Variants in NELL2 observed in about 807,000 individuals in gnomAD.
The protein encoded by NELL2 is protein kinase C-binding protein NELL2.
NELL2 carries 41 observed loss-of-function variants against 109.6 expected under a neutral mutation model. The observed-to-expected ratio is 0.37, with a 90% CI of 0.29 to 0.49. The LOEUF (loss-of-function observed/expected upper bound fraction) is 0.49, where lower values mean the gene tolerates loss of function less well. Among genes scored for constraint, NELL2 ranks in the 20% least tolerant of loss-of-function variants. The probability of loss-of-function intolerance (pLI) is 0.98; values close to 1 mark genes in which losing one functional copy is unlikely to be tolerated. For missense variants in NELL2, 900 were observed against 1,008.3 expected (o/e 0.89, Z 1.45); for synonymous variants, 355 against 344.7 (o/e 1.03, Z -0.33).
rs532721614 is a variant in NELL2, at chr12:44,768,174, TCA to T, written c.994+6571_994+6572del. Among the ~76,000 whole-genome samples the T allele has an allele frequency of 3.0e-3, 459 of 152,304 alleles. 3 individuals are homozygous for T. Among genetic ancestry groups the T allele is most frequent in the African/African-American group, 0.01 (417 of 41,572 alleles). Reference sequence around the variant, plus strand: ...TCATTAAAATATATCACATGCTGTCTCACAGCCTTAATCTGAAGGCTGCATTG... The same window carrying T: ...TCATTAAAATATATCACATGCTGTCTCAGCCTTAATCTGAAGGCTGCATTG... On this transcript the variant is annotated intron_variant, in intron 9 of 19. Transcript: ENST00000429094.
At chr12:44,798,509 G>A (rs1337541615) in intron 3 of NELL2, among the ~76,000 whole-genome samples, 1 of 151,948 alleles carries the variant, frequency 6.6e-6, no homozygotes, top group Admixed American at 6.6e-5. Context: ...CAACTCTACA[G>A]AATGCTATGA....
intron 2 of NELL2, among the ~76,000 whole-genome samples, chr12:44,825,391 CTTTTTTTTT>C (rs34266446): frequency 1.2e-5 from 1 of 83,606 alleles, no homozygotes; most frequent in Non-Finnish European, 2.2e-5. Flanking sequence ...TATTCATTTC[CTTTTTTTTT>C]TTTTTTTTTT....
At chr12:44,789,805 A>G (rs555134322) in intron 3 of NELL2, among the ~76,000 whole-genome samples, 1 of 152,340 alleles carries the variant, frequency 6.6e-6, no homozygotes, top group African/African-American at 2.4e-5. Context: ...GAAACACTGG[A>G]TGCATTTATA....
intron 1 of NELL2, among the ~76,000 whole-genome samples, chr12:44,894,048 A>T (rs1945566023): frequency 6.6e-6 from 1 of 152,248 alleles, no homozygotes; most frequent in African/African-American, 2.4e-5. Context: ...CAGGAAAAAA[A>T]TAGAGAAATT....
intron 10 of NELL2, among the ~76,000 whole-genome samples, chr12:44,712,065 T>C (rs746998561): frequency 2.6e-5 from 4 of 152,080 alleles, no homozygotes; most frequent in Non-Finnish European, 5.9e-5. Context: ...CTTCTGATAA[T>C]TGAAGTATTC....
At chr12:44,602,630 T>C (rs1319846169) in intron 15 of NELL2, among the ~76,000 whole-genome samples, 2 of 152,150 alleles carry the variant, frequency 1.3e-5, no homozygotes, top group Non-Finnish European at 2.9e-5. Flanking sequence ...CACATAAAGA[T>C]ATATATTTTG....
intron 9 of NELL2, among the ~76,000 whole-genome samples, chr12:44,716,738 C>T (rs758109822): frequency 6.6e-6 from 1 of 151,992 alleles, no homozygotes; most frequent in Non-Finnish European, 1.5e-5. Context: ...TATTATACGA[C>T]TTGATAACTG....
chr12:44,543,991 T>C (rs998757314), intron 15 of NELL2, among the ~76,000 whole-genome samples: 3 of 152,002 alleles, frequency 2.0e-5, no homozygotes, highest in Non-Finnish European at 4.4e-5. Flanking sequence ...ATACAGTCCA[T>C]AGGTAAAGCA....
intron 9 of NELL2, among the ~76,000 whole-genome samples, chr12:44,772,167 A>G (rs1941576791): frequency 6.6e-6 from 1 of 152,166 alleles, no homozygotes; most frequent in Admixed American, 6.5e-5. Context: ...ATAGGAATTT[A>G]CTTCTACTCC....
chr12:44,637,169 G>T (rs1022777708), intron 13 of NELL2, among the ~76,000 whole-genome samples: 1 of 151,470 alleles, frequency 6.6e-6, no homozygotes, highest in Non-Finnish European at 1.5e-5. Context: ...CTGGCTAGTG[G>T]TCTATTTTGT....
intron 19 of NELL2, among the ~76,000 whole-genome samples, chr12:44,519,639 A>C (rs1426245130): frequency 6.6e-6 from 1 of 152,228 alleles, no homozygotes; most frequent in Non-Finnish European, 1.5e-5. Context: ...GAACCAGCTA[A>C]AAATCAATAA....
chr12:44,577,477 T>G (rs11182541), intron 15 of NELL2, among the ~76,000 whole-genome samples: 40,646 of 123,340 alleles, frequency 0.33, 7,806 homozygotes, highest in East Asian at 0.6. Flanking sequence ...TTTTTTTTTT[T>G]TTTTTTTTTT....
In NELL2 at chr12:44,833,552, A is replaced by C. The variant is rs533154286; in HGVS notation, c.185-17416T>G. Among the ~76,000 whole-genome samples, 3 of 152,324 alleles carry C rather than the reference A, an allele frequency of 2.0e-5. No individual in the cohort carries two copies. In the South Asian group the frequency reaches 6.2e-4, roughly 32 times the overall value. On this transcript the variant is annotated intron_variant, in intron 2 of 19. Transcript: ENST00000429094. ...CTCTTCTACCCCAATAACTACCAGC[A>C]ATTATAGCCCAAGACAGAGAGAAGG...
At chr12:44,698,360 C>T (rs1050131689) in intron 12 of NELL2, among the ~76,000 whole-genome samples, 1 of 152,000 alleles carries the variant, frequency 6.6e-6, no homozygotes, top group African/African-American at 2.4e-5. Flanking sequence ...GGATAAATAG[C>T]TACATGTGAC....
intron 9 of NELL2, among the ~76,000 whole-genome samples, chr12:44,769,624 A>G (rs1455897381): frequency 6.6e-6 from 1 of 152,144 alleles, no homozygotes; most frequent in Non-Finnish European, 1.5e-5. Context: ...ATATATACCC[A>G]TCAAATACAT....
intron 13 of NELL2, among the ~76,000 whole-genome samples, chr12:44,636,278 T>C (rs1946632381): frequency 6.6e-6 from 1 of 152,088 alleles, no homozygotes; most frequent in African/African-American, 2.4e-5. Context: ...CTTTTACTTA[T>C]CTCTCTTGCC....
intron 13 of NELL2, 119 bp downstream of exon 13, chr12:44,665,365 T>C: frequency 1.2e-6 from 1 of 800,648 alleles, no homozygotes; most frequent in South Asian, 2.7e-5. Flanking sequence ...GAAGATATGA[T>C]TTTGCTAATG....
At chr12:44,699,720 G>A (rs926873623) in intron 12 of NELL2, among the ~76,000 whole-genome samples, 3 of 151,948 alleles carry the variant, frequency 2.0e-5, no homozygotes, top group South Asian at 2.1e-4. Context: ...GAGGTTCAAC[G>A]CAAAGGACAT....
intron 12 of NELL2, among the ~76,000 whole-genome samples, chr12:44,693,159 A>T (rs1948949909): frequency 6.6e-6 from 1 of 152,158 alleles, no homozygotes; most frequent in Non-Finnish European, 1.5e-5. Context: ...TTCAGCAACT[A>T]TCTCCTTGAT....
Sources: gnomAD v4.1 joint callset for allele counts (sites outside exome capture counted in the v4.1 genomes callset) on GRCh38, gnomAD v4.1.1 for gene constraint, MANE v1.5 for transcripts, NCBI Gene and HGNC (gene_info 2026-07-23, HGNC 2026-07-21) for gene names.